SDK1: variants seen among roughly 807,000 people sequenced by gnomAD.
SDK1 encodes sidekick cell adhesion molecule 1.
A neutral mutation model predicts 245.5 loss-of-function variants in SDK1; 157 were observed. The observed-to-expected ratio is 0.64, with a 90% CI of 0.56 to 0.73. The LOEUF is 0.73. Among genes scored for constraint, SDK1 ranks in the 30% least tolerant of loss-of-function variants. SDK1 has a pLI of 0.00. For missense variants in SDK1, 3,583 were observed against 3,002.3 expected (o/e 1.19, Z -4.52); for synonymous variants, 1,647 against 1,278.5 (o/e 1.29, Z -6.15).
At chr7:3,674,167 C>G (rs1349104370) in intron 4 of SDK1, among the ~76,000 whole-genome samples, 2 of 152,084 alleles carry the variant, frequency 1.3e-5, no homozygotes, top group African/African-American at 4.8e-5. Flanking sequence ...AGAGCTATAT[C>G]ACTAAAAGAT....
chr7:3,732,409 G>C (rs745936404), intron 4 of SDK1, among the ~76,000 whole-genome samples: 1 of 152,212 alleles, frequency 6.6e-6, no homozygotes, highest in Non-Finnish European at 1.5e-5. Flanking sequence ...AGGAAAGATA[G>C]AGGAAGATTT....
chr7:3,881,133 A>G (rs1310552144), intron 5 of SDK1, among the ~76,000 whole-genome samples: 2 of 151,682 alleles, frequency 1.3e-5, no homozygotes, highest in African/African-American at 4.8e-5. Flanking sequence ...GTGCTTGTGC[A>G]TGAGGTGCAG....
In SDK1 at chr7:4,110,765, C is replaced by G; in HGVS notation, c.3427C>G (p.His1143Asp). The change falls in exon 23 of 45, where the codon CAC (histidine) becomes GAC (aspartate). Residue 1143 changes from histidine to aspartate, a missense_variant. Transcript: ENST00000404826. ...GATCCCAAACCTCACACCCTACACT[C>G]ACTACAGGTGAGAACAGCAGTGATA... is the stretch of plus-strand genomic sequence containing the variant. ...LEIPNLTPYT[H>D]YRFRMKQVNI... 1 of 1,608,088 alleles carries G rather than the reference C, an allele frequency of 6.2e-7. No individual in the cohort carries two copies. The highest frequency in any genetic ancestry group is 8.5e-7 in the Non-Finnish European group (1 of 1,174,526).
chr7:3,415,461 A>C (rs886125621), intron 1 of SDK1, among the ~76,000 whole-genome samples: 17 of 152,146 alleles, frequency 1.1e-4, no homozygotes, highest in Non-Finnish European at 1.5e-4. Context: ...AAGTAGATTA[A>C]AAAACAACGG....
intron 1 of SDK1, among the ~76,000 whole-genome samples, chr7:3,605,028 G>C (rs752849037): frequency 1.9e-4 from 29 of 151,930 alleles, no homozygotes; most frequent in Non-Finnish European, 3.8e-4. Context: ...ACTATGGCCA[G>C]AGGATACACT....
chr7:3,384,895 T>G (rs1781573009), intron 1 of SDK1, among the ~76,000 whole-genome samples: 1 of 152,166 alleles, frequency 6.6e-6, no homozygotes, highest in Non-Finnish European at 1.5e-5. Context: ...CAGAAAATAA[T>G]TGTTGAGTAA....
intron 1 of SDK1, among the ~76,000 whole-genome samples, chr7:3,591,182 G>T (rs1292613472): frequency 3.9e-5 from 6 of 152,164 alleles, no homozygotes; most frequent in African/African-American, 1.4e-4. Context: ...GGCAGTTCAA[G>T]GTGTTAACCT....
At chr7:3,969,566 G>A (rs997969910) in intron 11 of SDK1, 142 bp downstream of exon 11, 2 of 561,000 alleles carry the variant, frequency 3.6e-6, no homozygotes. Context: ...CTAATTTATA[G>A]AAATCTGTTG....
Position 3,974,491 on chromosome 7 carries a change from G to A in SDK1, c.1940G>A (p.Cys647Tyr). Residue 647 changes from cysteine to tyrosine, a missense_variant, in exon 13 of 45, where the codon TGC (cysteine) becomes TAC (tyrosine). Cys to Tyr is a radical substitution (Grantham distance 194). Coordinates refer to ENST00000404826, the MANE Select transcript of SDK1 (RefSeq NM_152744.4). ...TWSGDIGDYS[C>Y]EIVSEGGNDS... ...TCAGGCGACATCGGTGACTACAGCTGCGAGATTGTTTCTGAAGGAGGGAAT... is the reference window on the plus strand; with the variant it reads ...TCAGGCGACATCGGTGACTACAGCTACGAGATTGTTTCTGAAGGAGGGAAT... 1.2e-6 allele frequency: 2 copies of A among 1,614,180 alleles called. No individual in the cohort carries two copies. The highest frequency in any genetic ancestry group is 1.7e-6 in the Non-Finnish European group (2 of 1,180,034).
intron 1 of SDK1, among the ~76,000 whole-genome samples, chr7:3,470,340 A>G (rs1390884524): frequency 1.3e-5 from 2 of 152,162 alleles, no homozygotes; most frequent in Non-Finnish European, 2.9e-5. Context: ...CCTCAGAGAT[A>G]GTCAAGGTAC....
At chr7:4,139,813 C>T (rs1779449730) in intron 28 of SDK1, among the ~76,000 whole-genome samples, 1 of 151,984 alleles carries the variant, frequency 6.6e-6, no homozygotes, top group Non-Finnish European at 1.5e-5. Flanking sequence ...GGGCTGAGAG[C>T]TTTAGCACCG....
At chr7:3,775,855 C>A (rs985068602) in intron 4 of SDK1, among the ~76,000 whole-genome samples, 1 of 152,146 alleles carries the variant, frequency 6.6e-6, no homozygotes, top group Non-Finnish European at 1.5e-5. Context: ...GGATTACAGG[C>A]GTGAGCCACC....
At chr7:4,249,257 G>T (rs554924163) in intron 44 of SDK1, among the ~76,000 whole-genome samples, 1 of 152,296 alleles carries the variant, frequency 6.6e-6, no homozygotes, top group Admixed American at 6.5e-5. Context: ...CCTGAGACAC[G>T]CACTGATGAG....
chr7:3,701,415 G>A (rs950184606), intron 4 of SDK1, among the ~76,000 whole-genome samples: 15 of 152,094 alleles, frequency 9.9e-5, no homozygotes, highest in East Asian at 1.9e-4. Flanking sequence ...TATCAAAATC[G>A]TAGCAAGACT....
At chr7:3,809,046 A>G (rs1779320348) in intron 4 of SDK1, among the ~76,000 whole-genome samples, 1 of 152,068 alleles carries the variant, frequency 6.6e-6, no homozygotes, top group African/African-American at 2.4e-5. Context: ...AAGACGGGGT[A>G]ATTTATAAAG....
chr7:3,481,124 G>C (rs1338466142), intron 1 of SDK1, among the ~76,000 whole-genome samples: 1 of 151,884 alleles, frequency 6.6e-6, no homozygotes, highest in Non-Finnish European at 1.5e-5. Flanking sequence ...ATTTTATTTT[G>C]TCCTTTCACT....
chr7:3,594,642 G>A (rs988703485), intron 1 of SDK1, among the ~76,000 whole-genome samples: 3 of 152,118 alleles, frequency 2.0e-5, no homozygotes, highest in Non-Finnish European at 4.4e-5. Context: ...TTACTGGGTG[G>A]TTTGGGTGGG....
At chr7:4,166,881 C>T (rs1025680037) in intron 32 of SDK1, among the ~76,000 whole-genome samples, 28 of 152,300 alleles carry the variant, frequency 1.8e-4, no homozygotes, top group African/African-American at 6.5e-4. Context: ...GGAGGTTCCA[C>T]AGAGGCCAGC....
intron 4 of SDK1, among the ~76,000 whole-genome samples, chr7:3,749,077 A>T (rs1191249239): frequency 6.6e-6 from 1 of 152,262 alleles, no homozygotes; most frequent in Non-Finnish European, 1.5e-5. Flanking sequence ...CTTTGCCTTC[A>T]GAATTTAATC....
Sources: gnomAD v4.1 joint callset for allele counts (sites outside exome capture counted in the v4.1 genomes callset) on GRCh38, gnomAD v4.1.1 for gene constraint, MANE v1.5 for transcripts, NCBI Gene and HGNC (gene_info 2026-07-23, HGNC 2026-07-21) for gene names.